The following PNPLA8 variants were observed in gnomAD, a reference collection of about 807,000 sequenced individuals.
PNPLA8 encodes the protein calcium-independent phospholipase A2-gamma.
A neutral mutation model predicts 76.9 loss-of-function variants in PNPLA8; 39 were observed. That is an observed-to-expected ratio of 0.51 (90% CI 0.39 to 0.66). The LOEUF is 0.66. PNPLA8 is among the 30% of genes least tolerant of loss of function. The pLI is 0.00. For synonymous variants in PNPLA8, 301 were observed against 307.9 expected, an observed-to-expected ratio of 0.98 and a Z score of 0.24; for missense variants, 887 against 918.0, an observed-to-expected ratio of 0.97 and a Z score of 0.44.
intron 10 of PNPLA8, among the ~76,000 whole-genome samples, 157 bp downstream of exon 10, chr7:108,479,027 T>A (rs1860195749): frequency 1.3e-5 from 2 of 152,158 alleles, no homozygotes; most frequent in Non-Finnish European, 2.9e-5. Context: ...AAGAAACAAG[T>A]GAGAAAGGAA....
chr7:108,484,176 C>T (rs558517718), intron 9 of PNPLA8, among the ~76,000 whole-genome samples: 8 of 152,230 alleles, frequency 5.3e-5, no homozygotes, highest in Non-Finnish European at 1.2e-4. Flanking sequence ...AACCATTTTT[C>T]AAAGCAAATT....
At chr7:108,524,527 G>A (rs1157674167) in intron 1 of PNPLA8, among the ~76,000 whole-genome samples, 2 of 152,140 alleles carry the variant, frequency 1.3e-5, no homozygotes, top group African/African-American at 4.8e-5. Context: ...AGAAAGATAA[G>A]AACTAAGAAA....
Position 108,526,042 on chromosome 7 carries a change from G to A in PNPLA8, c.-143C>T, listed in dbSNP as rs1864057222. The A allele has an allele frequency of 2.0e-6, 2 of 985,358 alleles. No homozygotes were observed. Among genetic ancestry groups the A allele is most frequent in the Non-Finnish European group, 2.4e-6 (2 of 829,886 alleles). 61.0% of individuals were successfully genotyped at this position (985,358 alleles called of 1,614,324 possible). A position where few individuals can be genotyped will look rare whatever the true frequency, so the allele number is the denominator to read the frequency against. On this transcript the variant is annotated 5_prime_UTR_variant, in exon 1 of 11. Coordinates refer to ENST00000257694, the MANE Select transcript of PNPLA8 (RefSeq NM_001256007.3). ...GCGGCTACTTACCGGGATGCAGGCC[G>A]CAGTCACTAGGGCTGCAGCGGCGAC... is the stretch of plus-strand genomic sequence containing the variant.
intron 2 of PNPLA8, among the ~76,000 whole-genome samples, chr7:108,520,209 C>T (rs1863640204): frequency 6.6e-6 from 1 of 152,160 alleles, no homozygotes; most frequent in African/African-American, 2.4e-5. Context: ...GGAAATTTTC[C>T]CTCGATCCCT....
chr7:108,511,255 A>G (rs1224759823), intron 4 of PNPLA8, among the ~76,000 whole-genome samples: 1 of 152,204 alleles, frequency 6.6e-6, no homozygotes, highest in East Asian at 1.9e-4. Flanking sequence ...TGAAATTATT[A>G]GTTCTGGAAA....
rs539943926 is a variant in PNPLA8, at chr7:108,514,443, C to G, written c.1049G>C (p.Arg350Pro). 2 of 1,603,198 alleles carry G rather than the reference C, an allele frequency of 1.2e-6. No homozygotes were observed. Among genetic ancestry groups the G allele is most frequent in the Non-Finnish European group, 8.5e-7 (1 of 1,175,430 alleles). Residue 350 changes from arginine (R) to proline (P), a missense_variant, in exon 3 of 11, where the codon CGA becomes CCA. Arg to Pro is a moderately radical substitution (Grantham distance 103). Transcript: ENST00000257694. ...GCACACTGAACAACTTGCCTTTTCT[C>G]GCTGAAGAGATAAACGCTTTTTCTC... ...AEEKKRLSLQ[R>P]EKIIARVSID...
At chr7:108,473,151 A>C (rs959179532) in intron 10 of PNPLA8, among the ~76,000 whole-genome samples, 3 of 152,164 alleles carry the variant, frequency 2.0e-5, no homozygotes, top group African/African-American at 7.2e-5. Context: ...GTTGGTGCCC[A>C]CTTTCCCTTT....
At chr7:108,475,949 CT>C (rs35823791) in intron 10 of PNPLA8, among the ~76,000 whole-genome samples, 16,928 of 152,142 alleles carry the variant, frequency 0.11, 956 homozygotes, top group African/African-American at 0.13. Context: ...TCTTAACTCT[CT>C]TTTAAAATGT....
chr7:108,511,040 GAA>G (rs60102827), intron 4 of PNPLA8: 3,484 of 357,862 alleles, frequency 9.7e-3, no homozygotes, highest in Middle Eastern at 0.014. Flanking sequence ...TCTCAAATTG[GAA>G]AAAAAAAAAA....
At position 108,493,568 on chromosome 7, in the gene PNPLA8, C is replaced by CTTTT. The variant is rs34935118; in HGVS notation, c.1626-2105_1626-2102dup. The stretch of plus-strand genomic sequence containing the variant: ...TACAGGCGCCCGCCCCCATGCCTGG[C>CTTTT]TTTTTTTTTTTTTTTTTTTTTTTTT... On this transcript the variant is annotated intron_variant, in intron 7 of 10. Coordinates refer to ENST00000257694, the MANE Select transcript of PNPLA8 (RefSeq NM_001256007.3). Among the ~76,000 whole-genome samples, 115 of 81,206 alleles carry CTTTT rather than the reference C, an allele frequency of 1.4e-3. 2 individuals are homozygous for CTTTT. Among genetic ancestry groups the CTTTT allele is most frequent in the African/African-American group, 1.7e-3 (35 of 20,954 alleles). The allele number at this position is 81,206 out of a possible 152,430, so 53.3% of individuals were successfully genotyped here.
intron 4 of PNPLA8, among the ~76,000 whole-genome samples, 191 bp downstream of exon 4, chr7:108,513,953 C>A (rs1334951713): frequency 2.0e-5 from 3 of 151,850 alleles, no homozygotes; most frequent in African/African-American, 4.8e-5. Flanking sequence ...TTGGTGCTAA[C>A]AAAATAAAAT....
chr7:108,511,344 G>A (rs569291230), intron 4 of PNPLA8, among the ~76,000 whole-genome samples: 4 of 152,136 alleles, frequency 2.6e-5, no homozygotes, highest in Non-Finnish European at 5.9e-5. Flanking sequence ...ACTTTAACAC[G>A]GTGGTCATCC....
chr7:108,517,483 C>CA (rs1412931526), intron 2 of PNPLA8, among the ~76,000 whole-genome samples: 4 of 152,102 alleles, frequency 2.6e-5, no homozygotes, highest in African/African-American at 9.7e-5. Flanking sequence ...TCATAATTGC[C>CA]AAAATTTCAA....
At position 108,526,119 on chromosome 7, in the gene PNPLA8, C is replaced by G; in HGVS notation, c.-220G>C. On this transcript the variant is annotated 5_prime_UTR_variant, in exon 1 of 11. Coordinates refer to ENST00000257694, the MANE Select transcript of PNPLA8 (RefSeq NM_001256007.3). ...CTCCAACCGGCCTGCATCAGCTGAG[C>G]TTCCAACACAAACACTGGCGCAGCA... 1 of 985,010 alleles carries G rather than the reference C, an allele frequency of 1.0e-6. No homozygotes were observed. Among genetic ancestry groups the G allele is most frequent in the South Asian group, 4.7e-5 (1 of 21,308 alleles). The allele number at this position is 985,010 out of a possible 1,614,324, so 61.0% of individuals were successfully genotyped here. A position where few individuals can be genotyped will look rare whatever the true frequency, so the allele number is the denominator to read the frequency against.
intron 5 of PNPLA8, among the ~76,000 whole-genome samples, chr7:108,501,148 A>T (rs1315501707): frequency 1.3e-5 from 2 of 152,212 alleles, no homozygotes; most frequent in Non-Finnish European, 2.9e-5. Flanking sequence ...TCAGAGAGGT[A>T]AGCTAAACCT....
At chr7:108,516,418 C>T (rs761941187) in intron 2 of PNPLA8, among the ~76,000 whole-genome samples, 1 of 152,140 alleles carries the variant, frequency 6.6e-6, no homozygotes, top group African/African-American at 2.4e-5. Context: ...TTAATCTAGA[C>T]ACAGACTTTA....
chr7:108,497,772 T>TAA (rs11428470), intron 5 of PNPLA8, among the ~76,000 whole-genome samples, 195 bp from the exon 6 acceptor site: 1 of 151,862 alleles, frequency 6.6e-6, no homozygotes, highest in Admixed American at 6.6e-5. Flanking sequence ...ATCTAAATGA[T>TAA]AAAAAAACCT....
rs768754573 is a variant in PNPLA8, at chr7:108,515,455, G to A, written c.37C>T (p.Leu13Phe). The A allele has an allele frequency of 6.4e-7, 1 of 1,570,844 alleles. No homozygotes were observed. Among genetic ancestry groups the A allele is most frequent in the Admixed American group, 1.9e-5 (1 of 52,184 alleles). The part of the protein sequence containing the change: ...INLTVDIYIY[L>F]LSNARSVCGK... Reference sequence around the variant, plus strand: ...CAAACACTTCTTGCATTACTAAGGAGGTAAATATATATATCTACAGTCAGA... The same window carrying A: ...CAAACACTTCTTGCATTACTAAGGAAGTAAATATATATATCTACAGTCAGA... Residue 13 changes from leucine to phenylalanine, a missense_variant, in exon 3 of 11, where the codon CTC (leucine) becomes TTC (phenylalanine). Transcript: ENST00000257694.
At chr7:108,500,693 T>C (rs1425868780) in intron 5 of PNPLA8, among the ~76,000 whole-genome samples, 2 of 152,300 alleles carry the variant, frequency 1.3e-5, no homozygotes, top group Non-Finnish European at 2.9e-5. Flanking sequence ...GTGGATCACC[T>C]GAGGTCAGGA....
Sources: allele counts gnomAD v4.1 joint callset (sites outside exome capture counted in the v4.1 genomes callset), GRCh38; gene constraint gnomAD v4.1.1; transcripts MANE v1.5; gene names NCBI Gene and HGNC (gene_info 2026-07-23, HGNC 2026-07-21).